Variants in CCN4 observed in about 807,000 individuals in gnomAD.
CCN4 encodes the protein cellular communication network factor 4.
In CCN4, 30 loss-of-function variants were observed where a neutral mutation model predicts 36.7. The ratio of observed to expected loss-of-function variants is 0.82; its 90% CI spans 0.61 to 1.11. The LOEUF is 1.11. Ranked by LOEUF, CCN4 falls within the 50% of genes least tolerant of loss-of-function variation. CCN4 has a pLI of 0.00. For missense variants in CCN4, 505 were observed against 504.9 expected (o/e 1.00, Z 0.00); for synonymous variants, 191 against 195.4 (o/e 0.98, Z 0.19).
At chr8:133,203,447 C>G (rs762628951) in intron 1 of CCN4, among the ~76,000 whole-genome samples, 56 of 152,188 alleles carry the variant, frequency 3.7e-4, no homozygotes, top group Non-Finnish European at 6.9e-4. Flanking sequence ...CAGGGACACT[C>G]TGGGTCAATA....
intron 4 of CCN4, among the ~76,000 whole-genome samples, chr8:133,226,747 A>T (rs1426365861): frequency 6.6e-6 from 1 of 152,164 alleles, no homozygotes; most frequent in Non-Finnish European, 1.5e-5. Context: ...GGCAAGCTTC[A>T]TGCCGCCATA....
chr8:133,202,748 T>C (rs998652854), intron 1 of CCN4, among the ~76,000 whole-genome samples: 26 of 152,052 alleles, frequency 1.7e-4, no homozygotes, highest in Admixed American at 6.6e-5. Flanking sequence ...CTTTCAAAGG[T>C]GATCTACCCA....
chr8:133,220,692 C>T lies in CCN4; in HGVS notation c.461C>T (p.Thr154Ile). The change falls in exon 3 of 5, where the codon ACA becomes ATA. Residue 154 changes from threonine to isoleucine, a missense_variant. Thr to Ile is a moderately conservative substitution (Grantham distance 89, BLOSUM62 -1). Coordinates refer to ENST00000250160, the MANE Select transcript of CCN4 (RefSeq NM_003882.4). ...TGCATCGACGGCGCGGTGGGCTGCACACCACTGTGCCTCCGAGTGCGCCCC... is the reference window on the plus strand; with the variant it reads ...TGCATCGACGGCGCGGTGGGCTGCATACCACTGTGCCTCCGAGTGCGCCCC... Reference protein sequence around the residue: ...CTCIDGAVGCTPLCLRVRPPR... With the variant: ...CTCIDGAVGCIPLCLRVRPPR... 1 of 1,613,982 alleles carries T rather than the reference C, an allele frequency of 6.2e-7. No homozygotes were observed. Among genetic ancestry groups the T allele is most frequent in the South Asian group, 1.1e-5 (1 of 91,084 alleles).
rs767918841 is a variant in CCN4 at position 133,212,996 on chromosome 8, C to A, written c.202C>A (p.Leu68Ile). The A allele has an allele frequency of 2.8e-5, 46 of 1,614,162 alleles. No individual in the cohort carries two copies. The highest frequency in any genetic ancestry group is 3.8e-5 in the Non-Finnish European group (45 of 1,180,006). Residue 68 changes from leucine (L) to isoleucine (I), a missense_variant, in exon 2 of 5, where the codon CTC becomes ATC. Coordinates refer to ENST00000250160, the MANE Select transcript of CCN4 (RefSeq NM_003882.4). ...SPPRCPLGVS[L>I]ITDGCECCKM... ...ACCCCGCTGCCCGCTGGGGGTCAGC[C>A]TCATCACAGATGGCTGTGAGTGCTG... is the stretch of plus-strand genomic sequence containing the variant.
intron 1 of CCN4, among the ~76,000 whole-genome samples, chr8:133,209,405 C>T (rs1853904641): frequency 6.6e-6 from 1 of 152,206 alleles, no homozygotes; most frequent in Non-Finnish European, 1.5e-5. Flanking sequence ...TCTTGTCCAG[C>T]ACCTTCTCCT....
In CCN4 at chr8:133,192,991, C is replaced by T. The variant is rs561720859; in HGVS notation, c.69+1778C>T. 3.9e-5 allele frequency among the ~76,000 whole-genome samples: 6 copies of T among 152,334 alleles called. No individual in the cohort carries two copies. The South Asian group carries it at 6.2e-4, about 16-fold the overall frequency. On this transcript the variant is annotated intron_variant, in intron 1 of 4. Transcript: ENST00000250160. ...GCAGCCCCTGCCTGGGGAACCCAGA[C>T]CACCCACCCCATGCTTGTTTCATGA...
At chr8:133,214,569 G>C (rs574496585) in intron 2 of CCN4, among the ~76,000 whole-genome samples, 3 of 151,784 alleles carry the variant, frequency 2.0e-5, no homozygotes, top group African/African-American at 7.3e-5. Context: ...GCTCCATCAC[G>C]GGTATTCTAT....
chr8:133,222,904 T>C (rs1854585870), intron 3 of CCN4, among the ~76,000 whole-genome samples: 1 of 151,850 alleles, frequency 6.6e-6, no homozygotes. Flanking sequence ...GAATTCTTTG[T>C]GGTGGGGTTG....
At chr8:133,210,406 TGTGTGTGTGTGTGTG>T (rs904902220) in intron 1 of CCN4, among the ~76,000 whole-genome samples, 19 of 131,662 alleles carry the variant, frequency 1.4e-4, no homozygotes, top group Non-Finnish European at 2.4e-4. Flanking sequence ...TGTGTGTGTG[TGTGTGTGTGTGTGTG>T]TTTACTGATT....
chr8:133,200,919 C>G (rs865804827), intron 1 of CCN4, among the ~76,000 whole-genome samples: 13 of 152,148 alleles, frequency 8.5e-5, no homozygotes, highest in Non-Finnish European at 5.9e-5. Flanking sequence ...CATGTCATCC[C>G]CAGCTTCAGG....
intron 1 of CCN4, among the ~76,000 whole-genome samples, chr8:133,194,132 C>T (rs1313133528): frequency 6.6e-6 from 1 of 152,158 alleles, no homozygotes; most frequent in African/African-American, 2.4e-5. Context: ...AGCATTAGGC[C>T]TGTGGTGGTC....
chr8:133,220,948 A>G (rs1372540376), intron 3 of CCN4, 107 bp downstream of exon 3: 2 of 1,418,358 alleles, frequency 1.4e-6, no homozygotes, highest in East Asian at 2.5e-5. Flanking sequence ...TCCACTACCT[A>G]CTAGCTTTGT....
At chr8:133,225,612 G>A (rs761759033) in intron 4 of CCN4, 29 bp downstream of exon 4, 16 of 1,518,912 alleles carry the variant, frequency 1.1e-5, no homozygotes, top group Non-Finnish European at 1.4e-5. Flanking sequence ...TGGATGTCTA[G>A]ACTTCACAAG....
chr8:133,227,286 G>T, intron 4 of CCN4, 125 bp from the exon 5 acceptor site: 1 of 959,726 alleles, frequency 1.0e-6, no homozygotes, highest in Non-Finnish European at 1.5e-6. Flanking sequence ...TGAGGATGCT[G>T]TGAAGCTGAA....
chr8:133,194,355 GGTGTGTGGGGGTGT>G (rs1197695781), intron 1 of CCN4, among the ~76,000 whole-genome samples: 1 of 116,596 alleles, frequency 8.6e-6, no homozygotes, highest in Non-Finnish European at 1.8e-5. Context: ...GGGGGGTGGT[GGTGTGTGGGGGTGT>G]GTGTGTGGGG....
Position 133,230,629 on chromosome 8 carries a change from A to G in CCN4, c.*2919A>G, listed in dbSNP as rs1029492702. 8 of 152,170 alleles carry G rather than the reference A, an allele frequency of 5.3e-5. No homozygotes were observed. The highest frequency in any genetic ancestry group is 1.9e-4 in the African/African-American group (8 of 41,438). The allele number at this position is 152,170 out of a possible 1,614,324, so 9.4% of individuals were successfully genotyped here. A position where few individuals can be genotyped will look rare whatever the true frequency, so the allele number is the denominator to read the frequency against. On this transcript the variant is annotated 3_prime_UTR_variant, in exon 5 of 5. Transcript: ENST00000250160. ...TCACCTCTGTGGTCCCTTGTTAACTATATGTTCTGAGACAAAGGAAAGCTA... is the reference window on the plus strand; with the variant it reads ...TCACCTCTGTGGTCCCTTGTTAACTGTATGTTCTGAGACAAAGGAAAGCTA...
At chr8:133,199,444 C>T (rs553237179) in intron 1 of CCN4, among the ~76,000 whole-genome samples, 1 of 152,074 alleles carries the variant, frequency 6.6e-6, no homozygotes, top group African/African-American at 2.4e-5. Context: ...TGTAAATGCC[C>T]GTGTCACAGA....
At chr8:133,209,883 G>A (rs1021967495) in intron 1 of CCN4, among the ~76,000 whole-genome samples, 2 of 152,220 alleles carry the variant, frequency 1.3e-5, no homozygotes, top group African/African-American at 2.4e-5. Context: ...GGAGGTGAGT[G>A]TGATTGTGCC....
At chr8:133,225,730 G>C in intron 4 of CCN4, 147 bp downstream of exon 4, 1 of 716,986 alleles carries the variant, frequency 1.4e-6, no homozygotes, top group Non-Finnish European at 2.1e-6. Context: ...AGCTATTTCG[G>C]ATAATGCAGG....
Sources: gnomAD v4.1 joint callset for allele counts (sites outside exome capture counted in the v4.1 genomes callset) on GRCh38, gnomAD v4.1.1 for gene constraint, MANE v1.5 for transcripts, NCBI Gene and HGNC (gene_info 2026-07-23, HGNC 2026-07-21) for gene names.